SYT1: variants seen among roughly 807,000 people sequenced by gnomAD.
SYT1 encodes synaptotagmin 1.
SYT1 carries 8 observed loss-of-function variants against 44.8 expected under a neutral mutation model. That is an observed-to-expected ratio of 0.18 (90% CI 0.10 to 0.32). SYT1 has a LOEUF of 0.32. Ranked by LOEUF, SYT1 falls within the 10% of genes least tolerant of loss-of-function variation. SYT1 has a pLI of 1.00. For missense variants in SYT1, 286 were observed against 509.3 expected (o/e 0.56, Z 4.22); for synonymous variants, 154 against 188.8 (o/e 0.82, Z 1.51).
chr12:79,045,484 G>C (rs546109832), intron 2 of SYT1: 255 of 156,422 alleles, frequency 1.6e-3, no homozygotes, highest in Non-Finnish European at 2.8e-3. Flanking sequence ...TTCGGCTCGC[G>C]CACGGTGCGC....
rs1156390921 is a variant in SYT1, at chr12:79,322,901, AC to A, written c.810+23351del. The stretch of plus-strand genomic sequence containing the variant: ...CCTCCTGAAAGTGTTAAATGTTGAA[AC>A]GATATCTGAAAGAACCAACTTCTTT... On this transcript the variant is annotated intron_variant, in intron 8 of 10. Coordinates refer to ENST00000261205, the MANE Select transcript of SYT1 (RefSeq NM_005639.3). Among the ~76,000 whole-genome samples, 16 of 152,280 alleles carry A rather than the reference AC, an allele frequency of 1.1e-4. No homozygotes were observed. The East Asian group carries it at 3.1e-3, about 29-fold the overall frequency.
intron 9 of SYT1, among the ~76,000 whole-genome samples, chr12:79,434,552 T>C (rs1216894502): frequency 6.6e-6 from 1 of 152,244 alleles, no homozygotes; most frequent in Non-Finnish European, 1.5e-5. Context: ...TATTAAATGA[T>C]TGGCTTACTG....
intron 8 of SYT1, among the ~76,000 whole-genome samples, chr12:79,335,990 A>G (rs1882074286): frequency 6.6e-6 from 1 of 152,230 alleles, no homozygotes; most frequent in African/African-American, 2.4e-5. Flanking sequence ...GGATTTTTCA[A>G]TGAAATTGCC....
At chr12:79,322,548 T>C (rs755332621) in intron 8 of SYT1, among the ~76,000 whole-genome samples, 7 of 152,184 alleles carry the variant, frequency 4.6e-5, no homozygotes, top group Non-Finnish European at 7.3e-5. Flanking sequence ...TAATATTGCC[T>C]CACATTTGCA....
At chr12:79,202,859 C>T (rs989801744) in intron 3 of SYT1, among the ~76,000 whole-genome samples, 5 of 152,188 alleles carry the variant, frequency 3.3e-5, no homozygotes, top group South Asian at 2.1e-4. Context: ...TTATAATTCA[C>T]ATCAATTCAA....
At chr12:79,119,414 A>G (rs967531595) in intron 3 of SYT1, among the ~76,000 whole-genome samples, 10 of 152,030 alleles carry the variant, frequency 6.6e-5, no homozygotes, top group Admixed American at 6.6e-4. Context: ...ACCGCTCTTC[A>G]GTTTTTTGAC....
chr12:78,953,926 T>C (rs1313452600), intron 1 of SYT1, among the ~76,000 whole-genome samples: 3 of 152,076 alleles, frequency 2.0e-5, no homozygotes, highest in African/African-American at 7.2e-5. Flanking sequence ...TCCTCAATGA[T>C]ATTTATATGT....
chr12:79,404,913 G>A (rs933894150), intron 9 of SYT1, among the ~76,000 whole-genome samples: 1 of 152,132 alleles, frequency 6.6e-6, no homozygotes, highest in Non-Finnish European at 1.5e-5. Flanking sequence ...CAACCTGGAG[G>A]TTAATACATT....
intron 1 of SYT1, among the ~76,000 whole-genome samples, chr12:78,911,714 A>G (rs1876339551): frequency 6.6e-6 from 1 of 151,998 alleles, no homozygotes; most frequent in African/African-American, 2.4e-5. Flanking sequence ...GTGAGGAGAT[A>G]AGTAAAGACA....
intron 3 of SYT1, among the ~76,000 whole-genome samples, chr12:79,215,978 C>G (rs1388554586): frequency 8.5e-6 from 1 of 117,118 alleles, no homozygotes; most frequent in African/African-American, 3.4e-5. Context: ...GTAGCCCAGG[C>G]TGGAGTGCAG....
chr12:78,971,733 G>A (rs1053604509), intron 1 of SYT1, among the ~76,000 whole-genome samples: 3 of 152,032 alleles, frequency 2.0e-5, no homozygotes, highest in South Asian at 2.1e-4. Flanking sequence ...GCTTGACTTG[G>A]ACTATATATT....
chr12:79,349,691 G>A (rs554316778), intron 8 of SYT1, among the ~76,000 whole-genome samples: 1 of 152,204 alleles, frequency 6.6e-6, no homozygotes, highest in Admixed American at 6.5e-5. Flanking sequence ...AATTTTCCAA[G>A]AACCCTTTTA....
chr12:79,005,438 C>G (rs1323567123), intron 2 of SYT1, among the ~76,000 whole-genome samples: 1 of 151,948 alleles, frequency 6.6e-6, no homozygotes. Flanking sequence ...TTTTAATTCA[C>G]TCATCTACAG....
chr12:78,870,153 C>T (rs1873744294), intron 1 of SYT1, among the ~76,000 whole-genome samples: 1 of 151,936 alleles, frequency 6.6e-6, no homozygotes, highest in Non-Finnish European at 1.5e-5. Flanking sequence ...ATATTATTTC[C>T]AAGAGTTCAT....
chr12:79,217,087 C>T (rs970545249), intron 3 of SYT1, among the ~76,000 whole-genome samples: 1 of 152,114 alleles, frequency 6.6e-6, no homozygotes, highest in Admixed American at 6.5e-5. Context: ...ATTTCCAATA[C>T]AAATATTTTA....
chr12:78,890,019 C>T (rs1874961947), intron 1 of SYT1, among the ~76,000 whole-genome samples: 1 of 151,818 alleles, frequency 6.6e-6, no homozygotes, highest in South Asian at 2.1e-4. Context: ...GCATCTGGGC[C>T]TCTGTTTTAT....
At chr12:79,275,982 A>G (rs926548635) in intron 4 of SYT1, among the ~76,000 whole-genome samples, 1 of 152,192 alleles carries the variant, frequency 6.6e-6, no homozygotes, top group Non-Finnish European at 1.5e-5. Context: ...ACTCATACAG[A>G]GTCTTTGACA....
chr12:79,244,315 C>T (rs1461428020), intron 4 of SYT1, among the ~76,000 whole-genome samples: 1 of 152,168 alleles, frequency 6.6e-6, no homozygotes, highest in Non-Finnish European at 1.5e-5. Flanking sequence ...AAGAACTTTC[C>T]ACATGATTTC....
At chr12:79,061,035 G>A (rs551337688) in intron 3 of SYT1, among the ~76,000 whole-genome samples, 19 of 152,144 alleles carry the variant, frequency 1.2e-4, no homozygotes, top group Admixed American at 1.0e-3. Flanking sequence ...CGTGAAGTTA[G>A]GGTATTTAAA....
Sources: gnomAD v4.1 joint callset for allele counts (sites outside exome capture counted in the v4.1 genomes callset) on GRCh38, gnomAD v4.1.1 for gene constraint, MANE v1.5 for transcripts, NCBI Gene and HGNC (gene_info 2026-07-23, HGNC 2026-07-21) for gene names.